ADAMTS18: variants seen among roughly 807,000 people sequenced by gnomAD.
ADAMTS18 encodes the protein A disintegrin and metalloproteinase with thrombospondin motifs 18.
A neutral mutation model predicts 165.9 loss-of-function variants in ADAMTS18; 157 were observed. The observed-to-expected ratio is 0.95, with a 90% CI of 0.83 to 1.08. The LOEUF is 1.08. ADAMTS18 is among the 50% of genes least tolerant of loss of function. ADAMTS18 has a pLI of 0.00. For synonymous variants in ADAMTS18, 782 were observed against 578.2 expected (o/e 1.35, Z -5.06); for missense variants, 2,040 against 1,534.0 (o/e 1.33, Z -5.51).
At chr16:77,363,950 G>T in intron 5 of ADAMTS18, 65 bp from the exon 6 acceptor site, 3 of 1,458,888 alleles carry the variant, frequency 2.1e-6, no homozygotes, top group South Asian at 2.3e-5. Flanking sequence ...GAATCAATCA[G>T]ACATATTGAC....
intron 3 of ADAMTS18, among the ~76,000 whole-genome samples, chr16:77,388,614 C>T (rs761566119): frequency 2.0e-5 from 3 of 152,164 alleles, no homozygotes; most frequent in Admixed American, 6.5e-5. Flanking sequence ...CAGGCTTGCT[C>T]TGAGCACTGA....
At chr16:77,400,685 G>A (rs1440986568) in intron 3 of ADAMTS18, among the ~76,000 whole-genome samples, 2 of 151,400 alleles carry the variant, frequency 1.3e-5, no homozygotes, top group African/African-American at 4.9e-5. Flanking sequence ...GTTTCACCGT[G>A]GTCTCGATCT....
rs555580484 is a variant in ADAMTS18, at chr16:77,367,641, G to A, written c.578C>T (p.Ser193Phe). 2 of 1,614,190 alleles carry A rather than the reference G, an allele frequency of 1.2e-6. No homozygotes were observed. The highest frequency in any genetic ancestry group is 1.7e-6 in the Non-Finnish European group (2 of 1,180,030). The change falls in exon 4 of 23, where the codon TCC becomes TTC. Residue 193 changes from serine to phenylalanine, a missense_variant. Transcript: ENST00000282849. ...QLLAQEHNYS[S>F]PAGHHPHVLY... ...TACGTGAGGATGGTGACCCGCAGGG[G>A]AGCTGTAGTTGTGTTCCTGGGCCAG... is the stretch of plus-strand genomic sequence containing the variant.
intron 13 of ADAMTS18, among the ~76,000 whole-genome samples, chr16:77,324,519 G>C (rs542721351): frequency 6.6e-6 from 1 of 152,302 alleles, no homozygotes; most frequent in South Asian, 2.1e-4. Context: ...GCTCAAGATA[G>C]ACAAAGGCTT....
chr16:77,321,893 C>T (rs1451389965), intron 14 of ADAMTS18, among the ~76,000 whole-genome samples: 15 of 151,992 alleles, frequency 9.9e-5, no homozygotes, highest in African/African-American at 3.6e-4. Context: ...TGGTGGCTCA[C>T]GCCTATAATC....
At chr16:77,428,631 C>T (rs535043450) in intron 3 of ADAMTS18, among the ~76,000 whole-genome samples, 21 of 152,220 alleles carry the variant, frequency 1.4e-4, no homozygotes, top group Non-Finnish European at 2.8e-4. Context: ...CTCATTAAAG[C>T]TGAACATATA....
Position 77,297,198 on chromosome 16 carries a change from C to G in ADAMTS18, c.2801+91G>C, listed in dbSNP as rs558770892. On this transcript the variant is annotated intron_variant, in intron 18 of 22. Coordinates refer to ENST00000282849, the MANE Select transcript of ADAMTS18 (RefSeq NM_199355.4). ...CTACCTTTGAATCACTTTCCATTAGCAGTATTCACAGTGAGCTTTCATCAT... is the reference window on the plus strand; with the variant it reads ...CTACCTTTGAATCACTTTCCATTAGGAGTATTCACAGTGAGCTTTCATCAT... The G allele has an allele frequency of 2.0e-6, 3 of 1,521,082 alleles. No homozygotes were observed. In the African/African-American group the frequency reaches 4.1e-5, roughly 21 times the overall value. The allele number at this position is 1,521,082 out of a possible 1,614,324, so 94.2% of individuals were successfully genotyped here.
At chr16:77,408,934 T>C (rs115819748) in intron 3 of ADAMTS18, among the ~76,000 whole-genome samples, 2,335 of 152,244 alleles carry the variant, frequency 0.015, 64 homozygotes, top group African/African-American at 0.054. Flanking sequence ...AGAAAGGCCA[T>C]AGTCACATAA....
intron 3 of ADAMTS18, among the ~76,000 whole-genome samples, chr16:77,426,069 T>C (rs1359217478): frequency 6.6e-6 from 1 of 151,010 alleles, no homozygotes; most frequent in Non-Finnish European, 1.5e-5. Flanking sequence ...AAACGGGGAG[T>C]TGGTGGGGAG....
At chr16:77,347,829 C>T (rs2056499991) in intron 10 of ADAMTS18, among the ~76,000 whole-genome samples, 1 of 151,994 alleles carries the variant, frequency 6.6e-6, no homozygotes, top group Non-Finnish European at 1.5e-5. Context: ...AATGTGCTAC[C>T]CAGATCCAAT....
rs185785570 is a variant in ADAMTS18 at position 77,422,246 on chromosome 16, A to G, written c.495+9049T>C. 3.7e-3 allele frequency among the ~76,000 whole-genome samples: 558 copies of G among 152,182 alleles called. 13 individuals carry two copies. Among genetic ancestry groups the G allele is most frequent in the Non-Finnish European group, 5.4e-4 (37 of 68,010 alleles). Reference sequence around the variant, plus strand: ...CCGCAGACAGGTGAGAGACCATATAAAGCTCTCAGCCCCACATACTTCTTC... The same window carrying G: ...CCGCAGACAGGTGAGAGACCATATAGAGCTCTCAGCCCCACATACTTCTTC... On this transcript the variant is annotated intron_variant, in intron 3 of 22. Coordinates refer to ENST00000282849, the MANE Select transcript of ADAMTS18 (RefSeq NM_199355.4).
Position 77,431,315 on chromosome 16 carries a change from C to T in ADAMTS18, c.475G>A (p.Val159Met), listed in dbSNP as rs776767043. 4 of 1,614,128 alleles carry T rather than the reference C, an allele frequency of 2.5e-6. No individual in the cohort carries two copies. The South Asian group carries it at 4.4e-5, about 18-fold the overall frequency. The change falls in exon 3 of 23, where the codon GTG becomes ATG. Residue 159 changes from valine to methionine, a missense_variant. Val to Met is a conservative substitution (Grantham distance 21, BLOSUM62 1). Transcript: ENST00000282849. ...IRNDSSSSVAVSTCAGLSGLI... is the reference protein window; with the variant it reads ...IRNDSSSSVAMSTCAGLSGLI... ...CTTACCAAGCCAGCACACGTAGACACAGCGACAGAGGAGGAGCTGTCATTT... is the reference window on the plus strand; with the variant it reads ...CTTACCAAGCCAGCACACGTAGACATAGCGACAGAGGAGGAGCTGTCATTT...
chr16:77,321,388 T>C lies in ADAMTS18; in HGVS notation c.2164-186A>G, dbSNP rs1020522258. On this transcript the variant is annotated intron_variant, in intron 14 of 22. Transcript: ENST00000282849. Reference sequence around the variant, plus strand: ...AAATCCCTCCCCTGACATTATTAGATGACTGAGCAAGTTGTATAACTCATC... The same window carrying C: ...AAATCCCTCCCCTGACATTATTAGACGACTGAGCAAGTTGTATAACTCATC... Among the ~76,000 whole-genome samples, 39 of 152,190 alleles carry C rather than the reference T, an allele frequency of 2.6e-4. 1 individual carries two copies. Among genetic ancestry groups the C allele is most frequent in the African/African-American group, 9.4e-4 (39 of 41,460 alleles).
chr16:77,336,545 T>C, intron 11 of ADAMTS18, among the ~76,000 whole-genome samples: 1 of 152,234 alleles, frequency 6.6e-6, no homozygotes, highest in Admixed American at 6.5e-5. Flanking sequence ...TTCCTTTGTC[T>C]ACATAAAAGG....
chr16:77,428,473 A>G (rs528353645), intron 3 of ADAMTS18, among the ~76,000 whole-genome samples: 2 of 152,336 alleles, frequency 1.3e-5, no homozygotes, highest in South Asian at 4.1e-4. Flanking sequence ...ATAATGTGGT[A>G]CTACTTCACA....
chr16:77,373,746 C>G (rs1174807334), intron 3 of ADAMTS18, among the ~76,000 whole-genome samples: 1 of 152,182 alleles, frequency 6.6e-6, no homozygotes, highest in Non-Finnish European at 1.5e-5. Context: ...AAATTATCCT[C>G]TCTCACTTCC....
chr16:77,380,618 A>C (rs1195909541), intron 3 of ADAMTS18, among the ~76,000 whole-genome samples: 1 of 152,270 alleles, frequency 6.6e-6, no homozygotes, highest in Non-Finnish European at 1.5e-5. Flanking sequence ...AATTAAATGT[A>C]AAAATGTTAA....
At chr16:77,375,148 C>G (rs1440558732) in intron 3 of ADAMTS18, among the ~76,000 whole-genome samples, 2 of 152,026 alleles carry the variant, frequency 1.3e-5, no homozygotes, top group African/African-American at 4.8e-5. Flanking sequence ...AGGGGCTAAA[C>G]CAGCAAATAT....
At chr16:77,420,831 GA>G (rs1176874779) in intron 3 of ADAMTS18, among the ~76,000 whole-genome samples, 1 of 152,136 alleles carries the variant, frequency 6.6e-6, no homozygotes, top group Non-Finnish European at 1.5e-5. Flanking sequence ...TTTACCCACA[GA>G]AAATTAATTT....
Sources: allele counts gnomAD v4.1 joint callset (sites outside exome capture counted in the v4.1 genomes callset), GRCh38; gene constraint gnomAD v4.1.1; transcripts MANE v1.5; gene names NCBI Gene and HGNC (gene_info 2026-07-23, HGNC 2026-07-21).